The following PHACTR4 variants were observed in gnomAD, a reference collection of about 807,000 sequenced individuals.
PHACTR4 encodes protein phosphatase 1, regulatory subunit 124.
In PHACTR4, 51 loss-of-function variants were observed where a neutral mutation model predicts 72.7. The ratio of observed to expected loss-of-function variants is 0.70; its 90% CI spans 0.56 to 0.89. PHACTR4 has a LOEUF of 0.89. Ranked by LOEUF, PHACTR4 falls within the 40% of genes least tolerant of loss-of-function variation. The pLI is 0.00. For missense variants in PHACTR4, 731 were observed against 861.8 expected, an observed-to-expected ratio of 0.85 and a Z score of 1.90; for synonymous variants, 255 against 302.5, an observed-to-expected ratio of 0.84 and a Z score of 1.63.
intron 1 of PHACTR4, among the ~76,000 whole-genome samples, chr1:28,378,364 T>C (rs1027893917): frequency 7.1e-6 from 1 of 140,188 alleles, no homozygotes; most frequent in African/African-American, 2.7e-5. Flanking sequence ...ATTGGCTGCG[T>C]GTGGTGGCAA....
At chr1:28,439,340 AG>A (rs66654719) in intron 2 of PHACTR4, among the ~76,000 whole-genome samples, 42,654 of 151,858 alleles carry the variant, frequency 0.28, 6,144 homozygotes, top group Middle Eastern at 0.34. Context: ...TTAAAAAAAA[AG>A]CATAAAGTGT....
At chr1:28,490,693 A>G (rs550686675) in intron 10 of PHACTR4, among the ~76,000 whole-genome samples, 2 of 151,916 alleles carry the variant, frequency 1.3e-5, no homozygotes, top group African/African-American at 4.8e-5. Flanking sequence ...TAAAAATACA[A>G]AAATCAGCTG....
intron 8 of PHACTR4, among the ~76,000 whole-genome samples, chr1:28,477,965 G>T (rs927762613): frequency 5.9e-5 from 9 of 152,126 alleles, no homozygotes; most frequent in African/African-American, 1.7e-4. Context: ...TGCGATTACA[G>T]GCATGAGCCA....
intron 1 of PHACTR4, among the ~76,000 whole-genome samples, chr1:28,403,770 G>A (rs188847129): frequency 4.6e-4 from 70 of 151,838 alleles, no homozygotes; most frequent in African/African-American, 1.4e-3. Context: ...ATAGGCCACC[G>A]CAAACTTTCT....
At chr1:28,472,417 A>G (rs1335363793) in intron 6 of PHACTR4, among the ~76,000 whole-genome samples, 1 of 152,168 alleles carries the variant, frequency 6.6e-6, no homozygotes, top group Non-Finnish European at 1.5e-5. Context: ...TTCAAGGACA[A>G]AAAACACTTT....
At chr1:28,440,391 A>ATTATTTTT (rs1414224976) in intron 2 of PHACTR4, among the ~76,000 whole-genome samples, 1 of 89,966 alleles carries the variant, frequency 1.1e-5, no homozygotes, top group African/African-American at 5.0e-5. Flanking sequence ...AAATTCATCA[A>ATTATTTTT]TTCTTTTTTT....
chr1:28,483,819 AGAG>A (rs1308981225), intron 9 of PHACTR4, among the ~76,000 whole-genome samples: 4 of 141,332 alleles, frequency 2.8e-5, no homozygotes, highest in East Asian at 2.0e-4. Context: ...AAAAAAAAAA[AGAG>A]AGAGATAAAT....
At chr1:28,433,170 CA>C in intron 2 of PHACTR4, 4 of 817,154 alleles carry the variant, frequency 4.9e-6, no homozygotes, top group Non-Finnish European at 5.9e-6. Flanking sequence ...TATTAGCTAA[CA>C]AATAACAAGA....
chr1:28,483,319 CAGGAG>C, intron 9 of PHACTR4, among the ~76,000 whole-genome samples: 1 of 151,410 alleles, frequency 6.6e-6, no homozygotes, highest in African/African-American at 2.4e-5. Flanking sequence ...TGCTTGAGCC[CAGGAG>C]GGGCTCAAGG....
chr1:28,495,624 T>A (rs796798521), intron 13 of PHACTR4, among the ~76,000 whole-genome samples: 404 of 135,880 alleles, frequency 3.0e-3, no homozygotes, highest in Admixed American at 5.4e-3. Flanking sequence ...TTTTTTTTTT[T>A]TTTATTTTTT....
Position 28,475,275 on chromosome 1 carries a change from A to AT in PHACTR4, c.1422-820dup, listed in dbSNP as rs1295274199. ...CAAATTTTGATTTTTTACTCTTGTG[A>AT]TTTTTTTTTTTTCATGGAGATTTTT... On this transcript the variant is annotated intron_variant, in intron 7 of 13. Transcript: ENST00000373839. Among the ~76,000 whole-genome samples, 729 of 146,796 alleles carry AT rather than the reference A, an allele frequency of 5.0e-3. 6 individuals are homozygous for AT. The highest frequency in any genetic ancestry group is 0.015 in the African/African-American group (604 of 40,296).
chr1:28,402,745 G>C (rs976211711), intron 1 of PHACTR4, among the ~76,000 whole-genome samples: 1 of 152,182 alleles, frequency 6.6e-6, no homozygotes, highest in Non-Finnish European at 1.5e-5. Flanking sequence ...GAAACACAAA[G>C]TAGGCTTCTC....
chr1:28,490,632 G>C (rs942324596), intron 10 of PHACTR4, among the ~76,000 whole-genome samples: 14 of 151,884 alleles, frequency 9.2e-5, no homozygotes, highest in African/African-American at 3.4e-4. Context: ...GATCACCTGA[G>C]GTCAGGAGTT....
chr1:28,492,190 A>C (rs931107343), intron 12 of PHACTR4, among the ~76,000 whole-genome samples: 4 of 152,198 alleles, frequency 2.6e-5, no homozygotes, highest in Non-Finnish European at 5.9e-5. Flanking sequence ...TAATCCTAGC[A>C]CTTTGGGAGG....
chr1:28,426,854 G>T (rs955974354), intron 2 of PHACTR4, among the ~76,000 whole-genome samples: 8 of 152,060 alleles, frequency 5.3e-5, no homozygotes, highest in African/African-American at 1.9e-4. Flanking sequence ...CCTGGCCGTG[G>T]AAGAATTCTG....
intron 1 of PHACTR4, among the ~76,000 whole-genome samples, chr1:28,392,913 C>T (rs572771678): frequency 6.6e-6 from 1 of 152,222 alleles, no homozygotes; most frequent in South Asian, 2.1e-4. Flanking sequence ...TTGTACTCCA[C>T]ATTGCAGAAG....
At chr1:28,491,457 CA>C (rs1434960780) in intron 11 of PHACTR4, among the ~76,000 whole-genome samples, 192 bp from the exon 12 acceptor site, 66 of 129,874 alleles carry the variant, frequency 5.1e-4, no homozygotes, top group Admixed American at 2.1e-3. Context: ...GACCCTGTCT[CA>C]AAAAAAAAAA....
chr1:28,455,198 C>CT (rs139479738), intron 2 of PHACTR4, among the ~76,000 whole-genome samples: 19,728 of 86,024 alleles, frequency 0.23, 2,905 homozygotes, highest in Non-Finnish European at 0.28. Context: ...TTCTTTCTTT[C>CT]TTTTTTTTTT....
At chr1:28,378,089 C>T (rs1206213303) in intron 1 of PHACTR4, among the ~76,000 whole-genome samples, 2 of 149,034 alleles carry the variant, frequency 1.3e-5, no homozygotes, top group African/African-American at 2.5e-5. Flanking sequence ...CCCAGCTACT[C>T]GGGAGGCTGA....
Sources: gnomAD v4.1 joint callset for allele counts (sites outside exome capture counted in the v4.1 genomes callset) on GRCh38, gnomAD v4.1.1 for gene constraint, MANE v1.5 for transcripts, NCBI Gene and HGNC (gene_info 2026-07-23, HGNC 2026-07-21) for gene names.